The following GRIK4 variants were observed in gnomAD, a reference collection of about 807,000 sequenced individuals.
GRIK4 encodes the protein glutamate ionotropic receptor kainate type subunit 4.
Under a neutral mutation model 104.9 loss-of-function variants are expected in GRIK4, and 40 were observed. That is an observed-to-expected ratio of 0.38 (90% CI 0.30 to 0.50). The LOEUF (loss-of-function observed/expected upper bound fraction) is 0.50. Among genes scored for constraint, GRIK4 ranks in the 20% least tolerant of loss-of-function variants. The pLI is 0.93. For synonymous variants in GRIK4, 485 were observed against 524.9 expected, an observed-to-expected ratio of 0.92 and a Z score of 1.04; for missense variants, 1,047 against 1,308.1, an observed-to-expected ratio of 0.80 and a Z score of 3.08.
chr11:120,865,444 GT>G (rs1954381518), intron 9 of GRIK4, among the ~76,000 whole-genome samples: 1 of 152,262 alleles, frequency 6.6e-6, no homozygotes, highest in African/African-American at 2.4e-5. Context: ...CTGCTGCTCT[GT>G]CTGAGATCTC....
At chr11:120,530,005 G>C (rs538615793) in intron 1 of GRIK4, among the ~76,000 whole-genome samples, 3 of 152,286 alleles carry the variant, frequency 2.0e-5, no homozygotes, top group East Asian at 3.9e-4. Context: ...CTTCCTTCCT[G>C]GTGGCTCAGT....
intron 3 of GRIK4, among the ~76,000 whole-genome samples, chr11:120,787,847 C>CTTCTTT (rs1565352273): frequency 3.1e-4 from 17 of 55,600 alleles, no homozygotes; most frequent in African/African-American, 1.2e-3. Flanking sequence ...TTTTTCTTTT[C>CTTCTTT]TTTTCTTTTT....
chr11:120,525,275 A>G (rs571581111), intron 1 of GRIK4, among the ~76,000 whole-genome samples: 47 of 152,278 alleles, frequency 3.1e-4, no homozygotes, highest in African/African-American at 1.1e-3. Flanking sequence ...GAGGGAAGGA[A>G]CTTGCCTGAG....
At chr11:120,672,321 C>G (rs1950032551) in intron 3 of GRIK4, among the ~76,000 whole-genome samples, 1 of 151,976 alleles carries the variant, frequency 6.6e-6, no homozygotes, top group South Asian at 2.1e-4. Flanking sequence ...GAGGCTGAGA[C>G]AGGAGAATCA....
intron 13 of GRIK4, among the ~76,000 whole-genome samples, chr11:120,916,383 G>A (rs1357819389): frequency 2.0e-5 from 3 of 152,232 alleles, no homozygotes; most frequent in South Asian, 4.1e-4. Context: ...TGACTAGGAA[G>A]GTAGGGGCAG....
chr11:120,620,200 G>T (rs552125847), intron 1 of GRIK4: 12 of 797,352 alleles, frequency 1.5e-5, no homozygotes, highest in Middle Eastern at 6.5e-4. Context: ...ACCATCAGAT[G>T]ATATCAATTT....
intron 3 of GRIK4, among the ~76,000 whole-genome samples, chr11:120,707,441 A>G (rs989156744): frequency 6.6e-6 from 1 of 152,188 alleles, no homozygotes; most frequent in African/African-American, 2.4e-5. Flanking sequence ...GTGTGTCTAC[A>G]CATGGATCTA....
intron 3 of GRIK4, among the ~76,000 whole-genome samples, chr11:120,670,698 CTTTTT>C (rs61468867): frequency 6.6e-6 from 1 of 151,252 alleles, no homozygotes; most frequent in Non-Finnish European, 1.5e-5. Flanking sequence ...CTTCCTTTTT[CTTTTT>C]TTTATTTTTA....
intron 3 of GRIK4, among the ~76,000 whole-genome samples, chr11:120,767,745 CA>C (rs1951865052): frequency 6.6e-6 from 1 of 152,038 alleles, no homozygotes; most frequent in African/African-American, 2.4e-5. Flanking sequence ...GATAAGGGTC[CA>C]ATTTCATTCA....
intron 11 of GRIK4, among the ~76,000 whole-genome samples, chr11:120,891,576 C>G (rs1455629443): frequency 1.3e-5 from 2 of 152,180 alleles, no homozygotes; most frequent in Non-Finnish European, 2.9e-5. Flanking sequence ...AGGCAATGTT[C>G]CTGGTGCATT....
chr11:120,692,510 A>G (rs1335846295), intron 3 of GRIK4, among the ~76,000 whole-genome samples: 1 of 152,110 alleles, frequency 6.6e-6, no homozygotes, highest in Admixed American at 6.5e-5. Flanking sequence ...CCCGGGGGTG[A>G]GGCACCAAAC....
chr11:120,611,122 G>A (rs1054469080), intron 1 of GRIK4, among the ~76,000 whole-genome samples: 3 of 152,100 alleles, frequency 2.0e-5, no homozygotes, highest in African/African-American at 4.8e-5. Flanking sequence ...ACTCTAGATT[G>A]GGGTGCAGAG....
At chr11:120,572,427 A>G (rs1211565155) in intron 1 of GRIK4, among the ~76,000 whole-genome samples, 2 of 152,040 alleles carry the variant, frequency 1.3e-5, no homozygotes, top group Non-Finnish European at 2.9e-5. Flanking sequence ...TCAGGTGGGA[A>G]CTCACCTGAA....
intron 2 of GRIK4, among the ~76,000 whole-genome samples, chr11:120,654,226 C>T (rs2135224903): frequency 6.6e-6 from 1 of 152,308 alleles, no homozygotes; most frequent in African/African-American, 2.4e-5. Flanking sequence ...GAACCCAGCA[C>T]TGCTGTTTTT....
At chr11:120,580,640 T>G (rs1050379591) in intron 1 of GRIK4, among the ~76,000 whole-genome samples, 2 of 151,944 alleles carry the variant, frequency 1.3e-5, no homozygotes, top group Non-Finnish European at 2.9e-5. Context: ...ACAATCATAG[T>G]TCCCTGCAAC....
intron 3 of GRIK4, among the ~76,000 whole-genome samples, chr11:120,758,658 G>A (rs891137399): frequency 6.6e-6 from 1 of 152,084 alleles, no homozygotes; most frequent in South Asian, 2.1e-4. Context: ...ATAACAAGAG[G>A]GTGACCATCT....
chr11:120,955,621 T>A (rs909974973), intron 15 of GRIK4, among the ~76,000 whole-genome samples: 1 of 152,114 alleles, frequency 6.6e-6, no homozygotes, highest in Non-Finnish European at 1.5e-5. Context: ...GAGACGCCAG[T>A]GGTGAGGCTG....
intron 4 of GRIK4, among the ~76,000 whole-genome samples, chr11:120,805,779 G>A (rs1307817755): frequency 6.6e-6 from 1 of 152,184 alleles, no homozygotes; most frequent in Non-Finnish European, 1.5e-5. Flanking sequence ...TGTGGCTTAA[G>A]CGCCTACCAC....
chr11:120,966,183 G>A (rs1944380502), intron 18 of GRIK4, among the ~76,000 whole-genome samples: 1 of 152,010 alleles, frequency 6.6e-6, no homozygotes. Flanking sequence ...AGGAGGACTG[G>A]GAGAAACAGG....
Sources: gnomAD v4.1 joint callset for allele counts (sites outside exome capture counted in the v4.1 genomes callset) on GRCh38, gnomAD v4.1.1 for gene constraint, MANE v1.5 for transcripts, NCBI Gene and HGNC (gene_info 2026-07-23, HGNC 2026-07-21) for gene names.